The following PCDH11X variants were observed in gnomAD, a reference collection of about 807,000 sequenced individuals.
PCDH11X encodes the protein protocadherin-11 X-linked.
Under a neutral mutation model 53.3 loss-of-function variants are expected in PCDH11X, and 18 were observed. The observed-to-expected ratio is 0.34, with a 90% CI of 0.23 to 0.50. The LOEUF is 0.50. PCDH11X is among the 20% of genes least tolerant of loss of function. PCDH11X has a pLI of 0.98. For missense variants in PCDH11X, 570 were observed against 1,032.4 expected, an observed-to-expected ratio of 0.55 and a Z score of 6.14; for synonymous variants, 279 against 393.3, an observed-to-expected ratio of 0.71 and a Z score of 3.44.
rs200708463 is a variant in PCDH11X at position 92,291,446 on chromosome X, A to G, written c.3144+28303A>G. 8.6e-3 allele frequency among the ~76,000 whole-genome samples: 571 copies of G among 66,432 alleles called. 10 individuals are homozygous for G. Among genetic ancestry groups the G allele is most frequent in the African/African-American group, 0.034 (541 of 15,890 alleles). The allele number at this position is 66,432 out of a possible 115,157, so 57.7% of individuals were successfully genotyped here. On this transcript the variant is annotated intron_variant, in intron 8 of 10. Transcript: ENST00000682573. ...ATACAGAAGGGCCTCACAGATGGAT[A>G]AACCATGTTTGTAACTTTTTAGGTT...
At chrX:92,415,604 A>G (rs781462150) in intron 9 of PCDH11X, among the ~76,000 whole-genome samples, 9 of 112,009 alleles carry the variant, frequency 8.0e-5, no homozygotes, top group Non-Finnish European at 1.5e-4. Flanking sequence ...AAGGAAGAGG[A>G]TACAGTGTAG....
intron 6 of PCDH11X, among the ~76,000 whole-genome samples, chrX:92,182,134 C>T (rs1181108087): frequency 8.9e-6 from 1 of 112,301 alleles, no homozygotes; most frequent in Non-Finnish European, 1.9e-5. Context: ...CATGGGAACC[C>T]ACTTCTTGCA....
intron 5 of PCDH11X, among the ~76,000 whole-genome samples, chrX:91,854,908 A>T (rs969188188): frequency 7.2e-5 from 8 of 111,366 alleles, no homozygotes; most frequent in Non-Finnish European, 1.5e-4. Flanking sequence ...CCTTTGTCAG[A>T]TGGGTAGTTT....
intron 8 of PCDH11X, among the ~76,000 whole-genome samples, chrX:92,352,941 G>A (rs2070092255): frequency 9.1e-6 from 1 of 109,315 alleles, no homozygotes; most frequent in Admixed American, 9.9e-5. Flanking sequence ...GTATATTCCT[G>A]AAGTAGTTCT....
chrX:91,832,481 C>T (rs1376572086), intron 4 of PCDH11X, among the ~76,000 whole-genome samples: 3 of 61,845 alleles, frequency 4.9e-5, no homozygotes, highest in East Asian at 5.6e-4. Context: ...CATCACACAT[C>T]GGGGCCTGTT....
chrX:92,272,395 G>T (rs1198822884), intron 8 of PCDH11X, among the ~76,000 whole-genome samples: 4 of 111,589 alleles, frequency 3.6e-5, no homozygotes, highest in Non-Finnish European at 7.5e-5. Flanking sequence ...AACTCACAGG[G>T]ATCTCACAGG....
intron 6 of PCDH11X, among the ~76,000 whole-genome samples, chrX:91,938,190 T>A (rs2061466912): frequency 9.0e-6 from 1 of 111,603 alleles, no homozygotes; most frequent in African/African-American, 3.3e-5. Flanking sequence ...TTTCACCAGA[T>A]ACACCCTCAG....
intron 6 of PCDH11X, among the ~76,000 whole-genome samples, chrX:92,189,811 A>T (rs771384537): frequency 8.9e-6 from 1 of 112,025 alleles, no homozygotes; most frequent in Non-Finnish European, 1.9e-5. Context: ...TTCTCTAATG[A>T]TAAGTGATGT....
At chrX:92,009,794 C>T (rs1174905884) in intron 6 of PCDH11X, among the ~76,000 whole-genome samples, 1 of 105,015 alleles carries the variant, frequency 9.5e-6, no homozygotes, top group Non-Finnish European at 1.9e-5. Context: ...CCTCCGCCTC[C>T]TGGGTTCAAG....
At chrX:92,232,748 G>A (rs2067099021) in intron 7 of PCDH11X, among the ~76,000 whole-genome samples, 1 of 112,097 alleles carries the variant, frequency 8.9e-6, no homozygotes. Flanking sequence ...ACGGAGTCTC[G>A]TTTTGTCGCC....
intron 10 of PCDH11X, among the ~76,000 whole-genome samples, chrX:92,520,560 T>A (rs1006631050): frequency 7.5e-5 from 8 of 106,072 alleles, no homozygotes; most frequent in African/African-American, 1.0e-4. Context: ...GTAATTCTTC[T>A]GTCTTGGCCT....
intron 6 of PCDH11X, among the ~76,000 whole-genome samples, chrX:92,022,744 A>G (rs2062905623): frequency 8.9e-6 from 1 of 111,853 alleles, no homozygotes; most frequent in Non-Finnish European, 1.9e-5. Context: ...CATGGCACTT[A>G]TTCTAAAATC....
intron 10 of PCDH11X, among the ~76,000 whole-genome samples, chrX:92,563,591 A>G (rs765402460): frequency 4.5e-5 from 5 of 112,046 alleles, no homozygotes; most frequent in Admixed American, 1.9e-4. Context: ...TTCAAATAGT[A>G]TATCTAGTGA....
At chrX:92,587,362 G>A (rs1924505171) in intron 10 of PCDH11X, among the ~76,000 whole-genome samples, 1 of 111,322 alleles carries the variant, frequency 9.0e-6, no homozygotes, top group African/African-American at 3.3e-5. Flanking sequence ...ATAATAAGGA[G>A]CATCAGCAGA....
chrX:91,913,362 A>G (rs1941443597), intron 6 of PCDH11X, among the ~76,000 whole-genome samples: 1 of 111,671 alleles, frequency 9.0e-6, no homozygotes, highest in African/African-American at 3.3e-5. Flanking sequence ...AGGTCAGAGC[A>G]GGGGCACTGC....
chrX:92,407,546 C>CA (rs749540992), intron 9 of PCDH11X, among the ~76,000 whole-genome samples: 2 of 111,155 alleles, frequency 1.8e-5, no homozygotes, highest in Non-Finnish European at 3.8e-5. Context: ...AATATCTATT[C>CA]AAAAATGTAT....
rs145967169 is a variant in PCDH11X, at chrX:92,466,256, C to T, written c.3344-2043C>T. The stretch of plus-strand genomic sequence containing the variant: ...ACATAGACTATAGTATTTCAGATGA[C>T]AAGGACTATGCTGACCTGTTTACCA... On this transcript the variant is annotated intron_variant, in intron 9 of 10. Transcript: ENST00000682573. Among the ~76,000 whole-genome samples the T allele has an allele frequency of 4.6e-3, 508 of 110,771 alleles. 1 individual carries two copies. The highest frequency in any genetic ancestry group is 0.014 in the African/African-American group (442 of 30,607).
chrX:92,465,862 T>C (rs1409054304), intron 9 of PCDH11X, among the ~76,000 whole-genome samples: 1 of 110,850 alleles, frequency 9.0e-6, no homozygotes, highest in East Asian at 2.8e-4. Flanking sequence ...TCTATTGTTT[T>C]AGTTTACTAA....
At chrX:92,028,850 A>G (rs1485675822) in intron 6 of PCDH11X, among the ~76,000 whole-genome samples, 5 of 111,615 alleles carry the variant, frequency 4.5e-5, no homozygotes, top group Non-Finnish European at 7.5e-5. Context: ...AGGAGGCCAA[A>G]AACACAGCAA....
Sources: allele counts gnomAD v4.1 joint callset (sites outside exome capture counted in the v4.1 genomes callset), GRCh38; gene constraint gnomAD v4.1.1; transcripts MANE v1.5; gene names NCBI Gene and HGNC (gene_info 2026-07-23, HGNC 2026-07-21).